BPHL: variants seen among roughly 807,000 people sequenced by gnomAD.
BPHL encodes serine hydrolase BPHL.
Under a neutral mutation model 31.2 loss-of-function variants are expected in BPHL, and 27 were observed. That is an observed-to-expected ratio of 0.87 (90% CI 0.64 to 1.19). The LOEUF is 1.19. BPHL is among the 50% of genes most tolerant of loss of function. The probability of loss-of-function intolerance (pLI) is 0.00; values close to 1 mark genes in which losing one functional copy is unlikely to be tolerated. For synonymous variants in BPHL, 150 were observed against 146.8 expected, an observed-to-expected ratio of 1.02 and a Z score of -0.16; for missense variants, 356 against 375.7, an observed-to-expected ratio of 0.95 and a Z score of 0.43.
chr6:3,137,304 AAAGAC>A, intron 4 of BPHL, 53 bp from the exon 5 acceptor site: 1 of 1,591,404 alleles, frequency 6.3e-7, no homozygotes, highest in Non-Finnish European at 8.6e-7. Flanking sequence ...CAGAATACTT[AAAGAC>A]AATACTTTAG....
In BPHL at chr6:3,149,697, A is replaced by C. The variant is rs935570308; in HGVS notation, c.789-2791A>C. 2.3e-4 allele frequency among the ~76,000 whole-genome samples: 35 copies of C among 151,980 alleles called. No individual in the cohort carries two copies. The highest frequency in any genetic ancestry group is 7.5e-4 in the African/African-American group (31 of 41,354). ...GCCCGGGCTGGAGTGCAGTGGCGGGATCTCGGCTCACTGCAACCTCCGCCT... is the reference window on the plus strand; with the variant it reads ...GCCCGGGCTGGAGTGCAGTGGCGGGCTCTCGGCTCACTGCAACCTCCGCCT... On this transcript the variant is annotated intron_variant, in intron 6 of 6. Transcript: ENST00000380379. This position sits in a 1 kb window ranked among gnomAD's most constrained non-coding sequence, Gnocchi z 4.6.
rs201457157 is a variant in BPHL, at chr6:3,140,551, G to A, written c.788+42G>A. On this transcript the variant is annotated intron_variant, in intron 6 of 6. Coordinates refer to ENST00000380379, the MANE Select transcript of BPHL (RefSeq NM_004332.4). The surrounding 1 kb of genome is among the most constrained non-coding windows in gnomAD (Gnocchi z 5.2). ...CCTTCACACTCCCCCCGAGAGCCTC[G>A]GAGTCAATGGGCAAAGCTACTGGAA... 3.8e-4 allele frequency: 610 copies of A among 1,608,372 alleles called. 2 individuals are homozygous for A. The African/African-American group carries it at 6.9e-3, about 18-fold the overall frequency.
chr6:3,150,549 C>T (rs3799218), intron 6 of BPHL, among the ~76,000 whole-genome samples: 4,605 of 152,302 alleles, frequency 0.03, 232 homozygotes, highest in East Asian at 0.27. Flanking sequence ...GAGGCCCCTT[C>T]GTTTCCAACT....
rs1410781523 is a variant in BPHL, at chr6:3,118,739, C to G, written c.-2C>G. The G allele has an allele frequency of 1.6e-6, 2 of 1,261,734 alleles. No homozygotes were observed. The highest frequency in any genetic ancestry group is 8.4e-5 in the Admixed American group (2 of 23,950). 78.2% of individuals were successfully genotyped at this position (1,261,734 alleles called of 1,614,324 possible). ...CTCCCGGCAGCTACGCGACCTGTGA[C>G]CATGGTGGCTGTGCTGGGCGGCCGG... On this transcript the variant is annotated 5_prime_UTR_variant, in exon 1 of 7. Transcript: ENST00000380379.
chr6:3,130,736 A>G (rs1262700145), intron 4 of BPHL, among the ~76,000 whole-genome samples: 1 of 152,182 alleles, frequency 6.6e-6, no homozygotes, highest in African/African-American at 2.4e-5. Flanking sequence ...CTAGAATATC[A>G]CAAGTCTAGT....
intron 6 of BPHL, among the ~76,000 whole-genome samples, chr6:3,146,762 G>A (rs1169942845): frequency 6.8e-6 from 1 of 146,690 alleles, no homozygotes; most frequent in Non-Finnish European, 1.5e-5. Flanking sequence ...GTTTGGGTCA[G>A]AGTGCTGGTT....
At chr6:3,143,266 C>A (rs1349427022) in intron 6 of BPHL, among the ~76,000 whole-genome samples, 1 of 152,028 alleles carries the variant, frequency 6.6e-6, no homozygotes, top group Non-Finnish European at 1.5e-5. Context: ...ACAGACTATC[C>A]CTTCCCAGAT....
upstream of BPHL, chr6:3,118,382 G>C (rs1474040232): frequency 4.9e-6 from 1 of 203,662 alleles, no homozygotes; most frequent in Non-Finnish European, 9.8e-6. Flanking sequence ...CGCCGACGCA[G>C]CGAGGGCGCT....
rs2231359 is a variant in BPHL at position 3,119,435 on chromosome 6, G to A, written c.107+588G>A. ...AGAATCCTGGGCCTCACTCCCAGAG[G>A]ATCTGATCTACATGTGTGGAGATGC... On this transcript the variant is annotated intron_variant, in intron 1 of 6. Coordinates refer to ENST00000380379, the MANE Select transcript of BPHL (RefSeq NM_004332.4). The A allele has an allele frequency of 1.4e-4, 220 of 1,611,330 alleles. No individual in the cohort carries two copies. In the African/African-American group the frequency reaches 2.7e-3, roughly 20 times the overall value.
At chr6:3,118,868 C>G in intron 1 of BPHL, 21 bp downstream of exon 1, 1 of 1,233,640 alleles carries the variant, frequency 8.1e-7, no homozygotes, top group Non-Finnish European at 1.0e-6. Flanking sequence ...CCACCTCGCC[C>G]CGGGGATCCC....
upstream of BPHL, chr6:3,118,555 G>A (rs1761452427): frequency 1.2e-5 from 5 of 413,224 alleles, no homozygotes; most frequent in South Asian, 2.7e-4. Flanking sequence ...ACCACGAGCC[G>A]AGTTTCGGTC....
chr6:3,135,855 C>A (rs189792080), intron 4 of BPHL, among the ~76,000 whole-genome samples: 15 of 152,226 alleles, frequency 9.9e-5, no homozygotes, highest in East Asian at 3.9e-4. Flanking sequence ...GCTTTCCTTC[C>A]GGGAAGATTT....
intron 6 of BPHL, among the ~76,000 whole-genome samples, chr6:3,148,163 C>T (rs886794631): frequency 1.3e-5 from 2 of 152,230 alleles, no homozygotes; most frequent in Admixed American, 6.5e-5. Flanking sequence ...TGATGGATGC[C>T]ATCTCTACAG....
chr6:3,137,890 G>T (rs1581475997), intron 5 of BPHL: 1 of 829,616 alleles, frequency 1.2e-6, no homozygotes, highest in Non-Finnish European at 1.7e-6. Context: ...TACACATTTA[G>T]ATGTGTCTCC....
rs1372586985 is a variant in BPHL at position 3,149,167 on chromosome 6, T to A, written c.789-3321T>A. Among the ~76,000 whole-genome samples the A allele has an allele frequency of 6.6e-6, 1 of 152,178 alleles. No individual in the cohort carries two copies. The highest frequency in any genetic ancestry group is 1.5e-5 in the Non-Finnish European group (1 of 68,032). ...GACTCAGGGAGATGGATGTAGCCTG[T>A]CAGTATGGACTCTGTGCTGGTTAGA... On this transcript the variant is annotated intron_variant, in intron 6 of 6. Transcript: ENST00000380379. This position sits in a 1 kb window ranked among gnomAD's most constrained non-coding sequence, Gnocchi z 4.6.
intron 2 of BPHL, 48 bp downstream of exon 2, chr6:3,123,808 G>C (rs1761643322): frequency 6.8e-7 from 1 of 1,481,270 alleles, no homozygotes; most frequent in African/African-American, 1.4e-5. Context: ...TAAAATCTAT[G>C]ATGCATTCAC....
At chr6:3,137,309 C>A in intron 4 of BPHL, 53 bp from the exon 5 acceptor site, 1 of 1,597,928 alleles carries the variant, frequency 6.3e-7, no homozygotes, top group East Asian at 2.2e-5. Context: ...TACTTAAAGA[C>A]AATACTTTAG....
intron 6 of BPHL, 116 bp from the exon 7 acceptor site, chr6:3,152,372 A>G (rs1387640682): frequency 3.7e-6 from 3 of 820,348 alleles, no homozygotes; most frequent in Non-Finnish European, 5.9e-6. Flanking sequence ...GATAGTGGTC[A>G]TGGGGGAAAT....
At chr6:3,139,563 G>C (rs1762113167) in intron 5 of BPHL, 1 of 152,246 alleles carries the variant, frequency 6.6e-6, no homozygotes, top group African/African-American at 2.4e-5. Flanking sequence ...GGGGAGCACT[G>C]CCCCGTCGGG....
Sources: allele counts gnomAD v4.1 joint callset (sites outside exome capture counted in the v4.1 genomes callset), GRCh38; gene constraint gnomAD v4.1.1; non-coding constraint Gnocchi (gnomAD v3.1); transcripts MANE v1.5; gene names NCBI Gene and HGNC (gene_info 2026-07-23, HGNC 2026-07-21).